The following PDZRN3 variants were observed in gnomAD, a reference collection of about 807,000 sequenced individuals.
PDZRN3 encodes PDZ domain containing ring finger 3, also known as E3 ubiquitin-protein ligase PDZRN3.
A neutral mutation model predicts 85.7 loss-of-function variants in PDZRN3; 38 were observed. That is an observed-to-expected ratio of 0.44 (90% CI 0.34 to 0.58). The LOEUF (loss-of-function observed/expected upper bound fraction) is 0.58, where lower values mean the gene tolerates loss of function less well. PDZRN3 is among the 20% of genes least tolerant of loss of function. The probability of loss-of-function intolerance (pLI) is 0.01; values close to 1 mark genes in which losing one functional copy is unlikely to be tolerated. For missense variants in PDZRN3, 1,629 were observed against 1,506.4 expected (o/e 1.08, Z -1.35); for synonymous variants, 759 against 638.0 (o/e 1.19, Z -2.86).
intron 3 of PDZRN3, among the ~76,000 whole-genome samples, chr3:73,543,614 A>G (rs542139033): frequency 1.3e-5 from 2 of 152,330 alleles, no homozygotes; most frequent in East Asian, 3.9e-4. Context: ...CCACAGTCCA[A>G]TTCCAAGGAA....
intron 3 of PDZRN3, among the ~76,000 whole-genome samples, chr3:73,486,505 A>T (rs1440581003): frequency 6.6e-6 from 1 of 152,238 alleles, no homozygotes; most frequent in Non-Finnish European, 1.5e-5. Flanking sequence ...TTCAATGGTT[A>T]CAGAATTTCT....
At chr3:73,565,786 A>AACACAAACACACAC (rs1196865835) in intron 3 of PDZRN3, among the ~76,000 whole-genome samples, 10 of 37,970 alleles carry the variant, frequency 2.6e-4, no homozygotes, top group African/African-American at 4.7e-4. Context: ...AAAAATACAA[A>AACACAAACACACAC]ACACACACAC....
At chr3:73,434,538 C>CT (rs950303419) in intron 3 of PDZRN3, among the ~76,000 whole-genome samples, 1 of 152,186 alleles carries the variant, frequency 6.6e-6, no homozygotes, top group Non-Finnish European at 1.5e-5. Flanking sequence ...AGCAGATAAT[C>CT]ATTCCCCAAA....
intron 4 of PDZRN3, 123 bp from the exon 5 acceptor site, chr3:73,401,132 C>A (rs1701740377): frequency 1.4e-6 from 1 of 712,772 alleles, no homozygotes; most frequent in African/African-American, 1.7e-5. Flanking sequence ...TCATGACTCA[C>A]TTCCCTCTGG....
intron 3 of PDZRN3, among the ~76,000 whole-genome samples, chr3:73,465,896 T>C (rs1309565759): frequency 6.6e-6 from 1 of 152,224 alleles, no homozygotes; most frequent in Non-Finnish European, 1.5e-5. Context: ...TTCTGGCCTT[T>C]CAATTGACTG....
At chr3:73,605,085 T>C (rs1177562708) in intron 2 of PDZRN3, among the ~76,000 whole-genome samples, 1 of 152,002 alleles carries the variant, frequency 6.6e-6, no homozygotes, top group Non-Finnish European at 1.5e-5. Flanking sequence ...CGAGCATTTA[T>C]GGTCCCAGCT....
intron 3 of PDZRN3, among the ~76,000 whole-genome samples, chr3:73,416,857 T>G (rs13316127): frequency 0.027 from 3,962 of 148,400 alleles, 220 homozygotes; most frequent in African/African-American, 0.095. Flanking sequence ...TAGGTTTTTT[T>G]TTTGTTTGTT....
intron 3 of PDZRN3, among the ~76,000 whole-genome samples, chr3:73,416,553 C>T (rs1345132431): frequency 2.6e-5 from 4 of 152,066 alleles, no homozygotes; most frequent in African/African-American, 9.7e-5. Flanking sequence ...CTTACCCTAA[C>T]CTGGGGTATT....
chr3:73,585,068 C>G (rs1413401628), intron 3 of PDZRN3, among the ~76,000 whole-genome samples: 1 of 152,138 alleles, frequency 6.6e-6, no homozygotes, highest in African/African-American at 2.4e-5. Context: ...AATTGGCTGG[C>G]ATATAAACAC....
chr3:73,609,110 G>T (rs1702645808), intron 1 of PDZRN3, among the ~76,000 whole-genome samples: 1 of 152,104 alleles, frequency 6.6e-6, no homozygotes, highest in African/African-American at 2.4e-5. Context: ...AATTCTTTCG[G>T]AAGTGTGAGT....
intron 3 of PDZRN3, among the ~76,000 whole-genome samples, chr3:73,553,437 G>C (rs996635662): frequency 6.6e-6 from 1 of 151,990 alleles, no homozygotes; most frequent in Non-Finnish European, 1.5e-5. Flanking sequence ...TTAGCCGGGC[G>C]TGGTGGCACA....
chr3:73,523,150 G>C (rs1332927801), intron 3 of PDZRN3, among the ~76,000 whole-genome samples: 2 of 152,128 alleles, frequency 1.3e-5, no homozygotes, highest in Admixed American at 1.3e-4. Flanking sequence ...GGCCTCCTGA[G>C]TAGCTGCTCA....
intron 3 of PDZRN3, among the ~76,000 whole-genome samples, chr3:73,430,384 A>C (rs903751383): frequency 6.6e-6 from 1 of 152,224 alleles, no homozygotes; most frequent in Non-Finnish European, 1.5e-5. Flanking sequence ...TCTAGTTTGA[A>C]GCTTAACTCC....
intron 3 of PDZRN3, among the ~76,000 whole-genome samples, chr3:73,535,348 A>G (rs776570336): frequency 3.3e-5 from 5 of 152,212 alleles, no homozygotes; most frequent in Non-Finnish European, 7.3e-5. Context: ...TTCACACTCC[A>G]ATATATCATC....
intron 3 of PDZRN3, among the ~76,000 whole-genome samples, chr3:73,498,511 T>C (rs1039589839): frequency 1.3e-5 from 2 of 152,176 alleles, no homozygotes. Flanking sequence ...TTAATTGCTA[T>C]TCCCTATAAC....
intron 3 of PDZRN3, among the ~76,000 whole-genome samples, chr3:73,416,876 G>GTTTTTTTTTTTTTTTTTTTTTTT (rs146381615): frequency 9.1e-6 from 1 of 110,406 alleles, no homozygotes; most frequent in Non-Finnish European, 1.8e-5. Flanking sequence ...TTTTTTTTTG[G>GTTTTTTTTTTTTTTTTTTTTTTT]TTTTTTTTTT....
intron 3 of PDZRN3, among the ~76,000 whole-genome samples, chr3:73,407,271 ACTTGTGGCAGCATCTTGGG>A (rs1484227853): frequency 6.6e-6 from 1 of 152,124 alleles, no homozygotes; most frequent in Non-Finnish European, 1.5e-5. Flanking sequence ...GCTTTCTTGG[ACTTGTGGCAGCATCTTGGG>A]ACCATGTGGG....
chr3:73,447,735 C>T (rs1024778211), intron 3 of PDZRN3, among the ~76,000 whole-genome samples: 12 of 152,296 alleles, frequency 7.9e-5, no homozygotes, highest in Admixed American at 3.3e-4. Context: ...TACTTACCGG[C>T]GGAACTGAGA....
Position 73,533,796 on chromosome 3 carries a change from T to C in PDZRN3, c.918+68558A>G, listed in dbSNP as rs562130630. ...ACTGGGTGTTCCACTCTGCATTTTGTGTTCCTTCACTGAATATCAGCCTCA... is the reference window on the plus strand; with the variant it reads ...ACTGGGTGTTCCACTCTGCATTTTGCGTTCCTTCACTGAATATCAGCCTCA... On this transcript the variant is annotated intron_variant, in intron 3 of 9. Coordinates refer to ENST00000263666, the MANE Select transcript of PDZRN3 (RefSeq NM_015009.3). Among the ~76,000 whole-genome samples the C allele has an allele frequency of 7.7e-4, 117 of 152,288 alleles. 1 individual carries two copies. The highest frequency in any genetic ancestry group is 2.4e-3 in the African/African-American group (99 of 41,566).
Sources: allele counts gnomAD v4.1 joint callset (sites outside exome capture counted in the v4.1 genomes callset), GRCh38; gene constraint gnomAD v4.1.1; transcripts MANE v1.5; gene names NCBI Gene and HGNC (gene_info 2026-07-23, HGNC 2026-07-21).